ZNF705G: variants seen among roughly 807,000 people sequenced by gnomAD.
ZNF705G encodes the protein putative zinc finger protein 705G.
In ZNF705G, 23 loss-of-function variants were observed where a neutral mutation model predicts 19.6. That is an observed-to-expected ratio of 1.17 (90% CI 0.84 to 1.66). The LOEUF is 1.66. ZNF705G is among the 40% of genes most tolerant of loss of function. The pLI is 0.00. For synonymous variants in ZNF705G, 146 were observed against 117.7 expected (o/e 1.24, Z -1.56); for missense variants, 457 against 354.4 (o/e 1.29, Z -2.32).
intron 1 of ZNF705G, 66 bp downstream of exon 1, chr8:7,385,432 G>C (rs1273858354): frequency 6.7e-6 from 1 of 149,192 alleles, no homozygotes; most frequent in South Asian, 2.1e-4. Context: ...CTTACACCCT[G>C]AAAGCAAGCC....
intron 2 of ZNF705G, among the ~76,000 whole-genome samples, chr8:7,364,911 A>G (rs1460509815): frequency 6.7e-6 from 1 of 149,654 alleles, no homozygotes; most frequent in East Asian, 1.9e-4. Context: ...ATGCCTACAA[A>G]GCTTCAGTGA....
chr8:7,383,125 ATTTT>A (rs5889203), intron 1 of ZNF705G, among the ~76,000 whole-genome samples: 2 of 125,796 alleles, frequency 1.6e-5, no homozygotes, highest in Admixed American at 1.5e-4. Context: ...TCAATGTTTG[ATTTT>A]TTTTTTTTTT....
At chr8:7,371,112 C>A (rs918371428) in intron 2 of ZNF705G, among the ~76,000 whole-genome samples, 1 of 142,468 alleles carries the variant, frequency 7.0e-6, no homozygotes, top group Non-Finnish European at 1.5e-5. Context: ...TACATATATG[C>A]AATGGAATAT....
chr8:7,367,859 CAG>C (rs1806929928), intron 2 of ZNF705G, among the ~76,000 whole-genome samples: 1 of 149,770 alleles, frequency 6.7e-6, no homozygotes, highest in South Asian at 2.1e-4. Flanking sequence ...GCTATGCTGC[CAG>C]TAACTGGAAT....
intron 2 of ZNF705G, among the ~76,000 whole-genome samples, chr8:7,379,287 C>A (rs1196314815): frequency 6.8e-6 from 1 of 147,442 alleles, no homozygotes; most frequent in Non-Finnish European, 1.5e-5. Flanking sequence ...TATGGAAGTG[C>A]CAAGTTTTCC....
Position 7,355,762 on chromosome 8 carries a change from T to G in ZNF705G, c.*2214A>C, listed in dbSNP as rs1459923296. ...AGTACATATAATGTCAGTCACAGTT[T>G]GTGGGTAAATTACATATTTAATTAA... On this transcript the variant is annotated 3_prime_UTR_variant, in exon 7 of 7. Coordinates refer to ENST00000400156, the MANE Select transcript of ZNF705G (RefSeq NM_001164457.3). 2.7e-5 allele frequency: 4 copies of G among 149,544 alleles called. No individual in the cohort carries two copies. The highest frequency in any genetic ancestry group is 4.4e-5 in the Non-Finnish European group (3 of 68,008). The allele number at this position is 149,544 out of a possible 1,614,324, so 9.3% of individuals were successfully genotyped here. A position where few individuals can be genotyped will look rare whatever the true frequency, so the allele number is the denominator to read the frequency against.
At chr8:7,365,764 T>C (rs1806827619) in intron 2 of ZNF705G, among the ~76,000 whole-genome samples, 1 of 149,614 alleles carries the variant, frequency 6.7e-6, no homozygotes, top group Non-Finnish European at 1.5e-5. Flanking sequence ...AGAGGCCGAC[T>C]TGTGACTTCC....
chr8:7,381,299 A>G (rs1807487274), intron 2 of ZNF705G, among the ~76,000 whole-genome samples, 153 bp downstream of exon 2: 1 of 86,534 alleles, frequency 1.2e-5, no homozygotes, highest in Non-Finnish European at 2.0e-5. Flanking sequence ...TGATTTGTAA[A>G]ATGAAATTTG....
rs1218166040 is a variant in ZNF705G at position 7,363,632 on chromosome 8, C to T, written c.-71-615G>A. ...GGTCAAGTGTTCGAGACTAGCCTGG[C>T]CAACATGGTGAAACCCCGTCTGTAG... is the stretch of plus-strand genomic sequence containing the variant. On this transcript the variant is annotated intron_variant, in intron 2 of 6. Coordinates refer to ENST00000400156, the MANE Select transcript of ZNF705G (RefSeq NM_001164457.3). 1.7e-4 allele frequency among the ~76,000 whole-genome samples: 25 copies of T among 149,402 alleles called. 3 individuals carry two copies. Among genetic ancestry groups the T allele is most frequent in the African/African-American group, 5.7e-4 (22 of 38,842 alleles).
intron 1 of ZNF705G, among the ~76,000 whole-genome samples, chr8:7,384,588 T>A (rs1434067590): frequency 2.7e-5 from 4 of 145,934 alleles, no homozygotes; most frequent in African/African-American, 1.1e-4. Context: ...AAGCCTGGAA[T>A]GTCTCAAAAA....
chr8:7,380,709 C>A (rs1219076961), intron 2 of ZNF705G, among the ~76,000 whole-genome samples: 2 of 146,354 alleles, frequency 1.4e-5, no homozygotes, highest in Non-Finnish European at 2.9e-5. Context: ...GCCTATCTAC[C>A]GAGCTCACCA....
intron 5 of ZNF705G, 100 bp from the exon 6 acceptor site, chr8:7,359,801 A>G (rs1385452557): frequency 1.3e-6 from 2 of 1,543,998 alleles, no homozygotes; most frequent in African/African-American, 1.5e-5. Context: ...ATTGACACGT[A>G]GATGTGGCAA....
intron 2 of ZNF705G, among the ~76,000 whole-genome samples, chr8:7,365,081 G>C (rs1806796455): frequency 6.7e-6 from 1 of 149,584 alleles, no homozygotes; most frequent in South Asian, 2.1e-4. Flanking sequence ...ACAAAGAAAG[G>C]ACAAATATTA....
chr8:7,365,467 C>G (rs1231093989), intron 2 of ZNF705G, among the ~76,000 whole-genome samples: 2 of 147,830 alleles, frequency 1.4e-5, no homozygotes, highest in Non-Finnish European at 2.9e-5. Context: ...CAACCTCCAC[C>G]TCCCGGGTTC....
At chr8:7,370,227 C>T (rs1239709854) in intron 2 of ZNF705G, among the ~76,000 whole-genome samples, 7 of 146,850 alleles carry the variant, frequency 4.8e-5, no homozygotes, top group East Asian at 2.0e-4. Context: ...GCCGAGATCA[C>T]GCCACTGCAC....
rs1403383194 is a variant in ZNF705G at position 7,360,836 on chromosome 8, C to T, written c.139+274G>A. Among the ~76,000 whole-genome samples, 5 of 149,278 alleles carry T rather than the reference C, an allele frequency of 3.3e-5. 1 individual carries two copies. In the South Asian group the frequency reaches 1.1e-3, roughly 31 times the overall value. ...ACACTGAAAACATTCATTAAGTTCC[C>T]AGGTCTGTTATGAGTATTAGAGACT... On this transcript the variant is annotated intron_variant, in intron 4 of 6. Coordinates refer to ENST00000400156, the MANE Select transcript of ZNF705G (RefSeq NM_001164457.3).
intron 2 of ZNF705G, among the ~76,000 whole-genome samples, chr8:7,365,221 A>T (rs75437225): frequency 0.025 from 3,695 of 149,146 alleles, 77 homozygotes; most frequent in Middle Eastern, 0.1. Flanking sequence ...GAGAAACTTA[A>T]AAACTTATGT....
chr8:7,369,828 C>G (rs1303425843), intron 2 of ZNF705G, among the ~76,000 whole-genome samples: 1 of 148,928 alleles, frequency 6.7e-6, no homozygotes, highest in Non-Finnish European at 1.5e-5. Flanking sequence ...TAAGTGAGAA[C>G]AAAGCATTGG....
At position 7,360,332 on chromosome 8, in the gene ZNF705G, C is replaced by T; in HGVS notation, c.140G>A (p.Gly47Glu). 1 of 1,588,522 alleles carries T rather than the reference C, an allele frequency of 6.3e-7. No individual in the cohort carries two copies. The highest frequency in any genetic ancestry group is 8.5e-7 in the Non-Finnish European group (1 of 1,178,186). ...TATATAGGATTTGCTTATCTGGTAC[C>T]CTGTTAGTGGAAAGAATACATGTGT... ...LENISHLVSL[G>E]YQISKSYIIL... The change falls in exon 5 of 7, where the codon GGG becomes GAG. Residue 47 changes from glycine (G) to glutamate (E), a missense_variant and splice_region_variant. Transcript: ENST00000400156.
Sources: allele counts gnomAD v4.1 joint callset (sites outside exome capture counted in the v4.1 genomes callset), GRCh38; gene constraint gnomAD v4.1.1; transcripts MANE v1.5; gene names NCBI Gene and HGNC (gene_info 2026-07-23, HGNC 2026-07-21).